DMD: variants seen among roughly 807,000 people sequenced by gnomAD.
DMD encodes dystrophin.
Under a neutral mutation model 330.1 loss-of-function variants are expected in DMD, and 63 were observed. The observed-to-expected ratio is 0.19, with a 90% CI of 0.16 to 0.24. DMD has a LOEUF of 0.24. Among genes scored for constraint, DMD ranks in the 10% least tolerant of loss-of-function variants. The pLI, the probability that DMD is intolerant of heterozygous loss-of-function variation, is 1.00. For missense variants in DMD, 3,344 were observed against 2,684.1 expected, an observed-to-expected ratio of 1.25 and a Z score of -5.43; for synonymous variants, 1,223 against 959.8, an observed-to-expected ratio of 1.27 and a Z score of -5.07.
chrX:31,830,325 T>C (rs942799575), intron 49 of DMD, among the ~76,000 whole-genome samples: 16 of 113,034 alleles, frequency 1.4e-4, no homozygotes, highest in African/African-American at 5.1e-4. Flanking sequence ...CTGGGTGCAG[T>C]GGCTCACGCC....
intron 55 of DMD, among the ~76,000 whole-genome samples, chrX:31,599,510 A>T (rs1216699348): frequency 8.9e-6 from 1 of 112,224 alleles, no homozygotes; most frequent in Non-Finnish European, 1.9e-5. Flanking sequence ...AAGATATTTA[A>T]ATTCCTAAAA....
At chrX:31,331,429 A>C (rs963838111) in intron 61 of DMD, among the ~76,000 whole-genome samples, 1 of 109,111 alleles carries the variant, frequency 9.2e-6, no homozygotes, top group Non-Finnish European at 1.9e-5. Context: ...GGGCGGCATT[A>C]CTCATGAAAA....
intron 2 of DMD, among the ~76,000 whole-genome samples, chrX:32,850,969 A>G (rs2081092868): frequency 8.9e-6 from 1 of 111,910 alleles, no homozygotes; most frequent in South Asian, 3.7e-4. Flanking sequence ...GAAGCATTAG[A>G]AAGGACTAAA....
intron 12 of DMD, among the ~76,000 whole-genome samples, chrX:32,597,928 G>C (rs1001630414): frequency 8.9e-6 from 1 of 112,023 alleles, no homozygotes; most frequent in Non-Finnish European, 1.9e-5. Context: ...AAACAAGTTT[G>C]GGACATTTCC....
At chrX:32,857,880 T>A (rs760995630) in intron 2 of DMD, among the ~76,000 whole-genome samples, 25 of 111,440 alleles carry the variant, frequency 2.2e-4, no homozygotes, top group Non-Finnish European at 3.2e-4. Context: ...CTTAAATACA[T>A]AGACCAAGGT....
chrX:33,112,180 A>G (rs1313555147), intron 1 of DMD, among the ~76,000 whole-genome samples: 1 of 111,126 alleles, frequency 9.0e-6, no homozygotes, highest in Non-Finnish European at 1.9e-5. Flanking sequence ...CATAACTTTT[A>G]TCACAGTATA....
chrX:31,262,040 AGAG>A (rs2147665159), intron 62 of DMD, among the ~76,000 whole-genome samples: 1 of 112,562 alleles, frequency 8.9e-6, no homozygotes, highest in Non-Finnish European at 1.9e-5. Context: ...TCACACAGAA[AGAG>A]GAGTCTGGAG....
chrX:32,112,114 G>A (rs184624283), intron 44 of DMD, among the ~76,000 whole-genome samples: 1 of 109,276 alleles, frequency 9.2e-6, no homozygotes, highest in East Asian at 2.8e-4. Flanking sequence ...TCAGAAAGAT[G>A]ACAAAGAAAT....
intron 32 of DMD, among the ~76,000 whole-genome samples, chrX:32,388,235 TAC>T (rs1056540233): frequency 5.5e-5 from 6 of 110,011 alleles, no homozygotes; most frequent in African/African-American, 2.0e-4. Context: ...TACTGTTGGA[TAC>T]ATTTTATAAG....
intron 62 of DMD, among the ~76,000 whole-genome samples, chrX:31,271,623 C>T (rs1010943162): frequency 5.4e-5 from 6 of 111,635 alleles, no homozygotes; most frequent in Admixed American, 3.8e-4. Flanking sequence ...ATCTATAGTG[C>T]GCCCTAAGTT....
At chrX:31,560,609 A>G (rs1410629591) in intron 55 of DMD, among the ~76,000 whole-genome samples, 1 of 110,774 alleles carries the variant, frequency 9.0e-6, no homozygotes, top group African/African-American at 3.3e-5. Flanking sequence ...GTAAGGGTTC[A>G]CCAATATGTG....
At chrX:32,343,371 G>A (rs72468618) in intron 39 of DMD, 85 bp from the exon 40 acceptor site, 33 of 880,179 alleles carry the variant, frequency 3.7e-5, no homozygotes, top group East Asian at 1.6e-4. Context: ...AATAATTTGC[G>A]TCCCTCATCT....
intron 54 of DMD, among the ~76,000 whole-genome samples, chrX:31,649,332 C>T (rs2080300951): frequency 9.0e-6 from 1 of 111,718 alleles, no homozygotes; most frequent in Non-Finnish European, 1.9e-5. Context: ...AAAATGGCTA[C>T]TTGGCTACAT....
In DMD at chrX:31,496,797, A is replaced by G. The variant is rs1337601535; in HGVS notation, c.8538T>C (p.Asp2846=). 1.6e-6 allele frequency: 2 copies of G among 1,212,176 alleles called. No individual in the cohort carries two copies. The highest frequency in any genetic ancestry group is 1.8e-5 in the South Asian group (1 of 57,014). The part of the protein sequence containing the change: ...GDFPAVQKQN[D]VHRAFKRELK... ...CTTAAAAATGTCCTACCCTATGTAC[A>G]TCGTTCTGCTTCTGAACTGCTGGAA... Residue 2846 remains aspartate, a synonymous_variant, in exon 57 of 79, where the codon GAT becomes GAC. Transcript: ENST00000357033.
At chrX:32,328,685 A>T (rs974316118) in intron 41 of DMD, among the ~76,000 whole-genome samples, 2 of 108,707 alleles carry the variant, frequency 1.8e-5, no homozygotes, top group African/African-American at 3.4e-5. Context: ...CAATAACAAC[A>T]TTACAAAAAA....
At chrX:32,007,284 A>T (rs1358110556) in intron 44 of DMD, among the ~76,000 whole-genome samples, 1 of 108,675 alleles carries the variant, frequency 9.2e-6, no homozygotes, top group Admixed American at 9.9e-5. Flanking sequence ...ACACACAAAG[A>T]AGAGGGTTAT....
chrX:32,770,502 G>C (rs1040735348), intron 7 of DMD, among the ~76,000 whole-genome samples: 2 of 111,440 alleles, frequency 1.8e-5, no homozygotes, highest in South Asian at 3.8e-4. Context: ...ATGATCAATT[G>C]ATGTATTAAT....
At chrX:31,961,655 T>C (rs1687559752) in intron 45 of DMD, among the ~76,000 whole-genome samples, 1 of 108,959 alleles carries the variant, frequency 9.2e-6, no homozygotes, top group African/African-American at 3.4e-5. Context: ...TTCATTGAGG[T>C]AATAGCAGTT....
At chrX:32,074,720 A>G (rs766615853) in intron 44 of DMD, among the ~76,000 whole-genome samples, 5 of 47,354 alleles carry the variant, frequency 1.1e-4, no homozygotes, top group Non-Finnish European at 1.6e-4. Context: ...CCTTCAAAGA[A>G]AAAAGGCTTC....
Sources: allele counts gnomAD v4.1 joint callset (sites outside exome capture counted in the v4.1 genomes callset), GRCh38; gene constraint gnomAD v4.1.1; transcripts MANE v1.5; gene names NCBI Gene and HGNC (gene_info 2026-07-23, HGNC 2026-07-21).